Variants in EPG5 observed in about 807,000 individuals in gnomAD.
EPG5 encodes ectopic P-granules 5 autophagy tethering factor.
In EPG5, 159 loss-of-function variants were observed where a neutral mutation model predicts 302.7. The ratio of observed to expected loss-of-function variants is 0.53; its 90% CI spans 0.46 to 0.60. EPG5 has a LOEUF of 0.60. Among genes scored for constraint, EPG5 ranks in the 20% least tolerant of loss-of-function variants. The probability of loss-of-function intolerance (pLI) is 0.00; values close to 1 mark genes in which losing one functional copy is unlikely to be tolerated. For missense variants in EPG5, 2,896 were observed against 3,092.4 expected (o/e 0.94, Z 1.51); for synonymous variants, 1,158 against 1,136.8 (o/e 1.02, Z -0.37).
the EPG5 span, among the ~76,000 whole-genome samples, chr18:45,835,893 T>A: frequency 6.6e-6 from 1 of 152,124 alleles, no homozygotes; most frequent in African/African-American, 2.4e-5. Flanking sequence ...GGAAAGGGAC[T>A]GGGATTTTTC....
chr18:45,966,403 T>C (rs1008592090), intron 1 of EPG5, among the ~76,000 whole-genome samples: 6 of 151,194 alleles, frequency 4.0e-5, no homozygotes, highest in East Asian at 1.9e-4. Context: ...TACATATACA[T>C]ATATATACAC....
At chr18:45,820,129 A>G in the EPG5 span, among the ~76,000 whole-genome samples, 115,126 of 152,014 alleles carry the variant, frequency 0.76, 44,828 homozygotes, top group African/African-American at 0.93. Context: ...GGGAAAAAAC[A>G]GCATGGGAAG....
the EPG5 span, among the ~76,000 whole-genome samples, chr18:45,813,996 G>A: frequency 6.6e-6 from 1 of 151,830 alleles, no homozygotes; most frequent in Non-Finnish European, 1.5e-5. Flanking sequence ...TAAAACTAGG[G>A]AGTAAAAATT....
chr18:45,813,820 G>A, the EPG5 span, among the ~76,000 whole-genome samples: 48 of 151,938 alleles, frequency 3.2e-4, no homozygotes, highest in African/African-American at 1.2e-3. Context: ...TATAAATGAC[G>A]AGTTAATGGG....
intron 11 of EPG5, among the ~76,000 whole-genome samples, chr18:45,931,872 C>CATAT (rs367753541): frequency 6.7e-6 from 1 of 149,102 alleles, no homozygotes; most frequent in East Asian, 1.9e-4. Flanking sequence ...TAAATATATA[C>CATAT]ATATATATAT....
intron 40 of EPG5, among the ~76,000 whole-genome samples, chr18:45,859,016 G>A (rs142236431): frequency 4.6e-5 from 7 of 152,298 alleles, no homozygotes; most frequent in African/African-American, 9.6e-5. Context: ...TGTCCCCAGC[G>A]TAGCCACCAG....
At chr18:45,808,939 A>G in the EPG5 span, among the ~76,000 whole-genome samples, 2 of 152,240 alleles carry the variant, frequency 1.3e-5, no homozygotes, top group Non-Finnish European at 2.9e-5. Context: ...TAAAAGACAC[A>G]GAATTGCAGA....
intron 27 of EPG5, among the ~76,000 whole-genome samples, chr18:45,892,028 A>G (rs1057204238): frequency 6.6e-6 from 1 of 152,308 alleles, no homozygotes; most frequent in South Asian, 2.1e-4. Context: ...AGAATCTGAG[A>G]TAAGGAAGGA....
At chr18:45,911,308 C>T (rs2049893625) in intron 22 of EPG5, among the ~76,000 whole-genome samples, 1 of 145,500 alleles carries the variant, frequency 6.9e-6, no homozygotes, top group Non-Finnish European at 1.5e-5. Flanking sequence ...TTTTTTTAGA[C>T]AGACTCTTGC....
chr18:45,890,393 A>T (rs1024657042), intron 27 of EPG5, among the ~76,000 whole-genome samples: 8 of 152,338 alleles, frequency 5.3e-5, no homozygotes, highest in East Asian at 1.9e-4. Context: ...AAATATATAT[A>T]ATCATAAAAC....
At position 45,915,392 on chromosome 18, in the gene EPG5, T is replaced by C. The variant is rs532139960; in HGVS notation, c.3693+119A>G. 152 of 717,858 alleles carry C rather than the reference T, an allele frequency of 2.1e-4. No homozygotes were observed. The East Asian group carries it at 3.9e-3, about 19-fold the overall frequency. 44.5% of individuals were successfully genotyped at this position (717,858 alleles called of 1,614,324 possible). On this transcript the variant is annotated intron_variant, in intron 20 of 43. Transcript: ENST00000282041. Reference sequence around the variant, plus strand: ...TAAAGATTAAATGAAAAAGTATACTTACACTAGAATAAGTGCTAAATAAAA... The same window carrying C: ...TAAAGATTAAATGAAAAAGTATACTCACACTAGAATAAGTGCTAAATAAAA...
At chr18:45,830,075 G>A in the EPG5 span, among the ~76,000 whole-genome samples, 1 of 152,010 alleles carries the variant, frequency 6.6e-6, no homozygotes, top group Non-Finnish European at 1.5e-5. Flanking sequence ...CCATGAAACC[G>A]ACAAGCAGCT....
At chr18:45,956,810 G>T (rs1240171504) in intron 1 of EPG5, among the ~76,000 whole-genome samples, 2 of 151,994 alleles carry the variant, frequency 1.3e-5, no homozygotes, top group Non-Finnish European at 2.9e-5. Context: ...AGGATGAAGG[G>T]TGAAGAGTAC....
chr18:45,899,847 C>G (rs980766369), intron 26 of EPG5, among the ~76,000 whole-genome samples: 1 of 152,172 alleles, frequency 6.6e-6, no homozygotes, highest in African/African-American at 2.4e-5. Flanking sequence ...TACCAACAGA[C>G]CCTACAAGAA....
chr18:45,944,585 T>A (rs906810487), intron 7 of EPG5, among the ~76,000 whole-genome samples: 2 of 152,094 alleles, frequency 1.3e-5, no homozygotes, highest in East Asian at 1.9e-4. Context: ...TGAAACCCCA[T>A]CTCTACTAAA....
the EPG5 span, chr18:45,837,945 C>T: frequency 3.5e-4 from 501 of 1,428,332 alleles, no homozygotes; most frequent in Middle Eastern, 2.8e-3. Context: ...CGCCCTCCCG[C>T]CTGCCCCGCC....
the EPG5 span, among the ~76,000 whole-genome samples, chr18:45,828,247 G>C: frequency 1.3e-4 from 20 of 152,250 alleles, no homozygotes; most frequent in Middle Eastern, 6.8e-3. Flanking sequence ...ACAGCCCCTT[G>C]GTGAGAGAAA....
At chr18:45,906,890 A>G (rs1339511497) in intron 24 of EPG5, among the ~76,000 whole-genome samples, 1 of 152,208 alleles carries the variant, frequency 6.6e-6, no homozygotes, top group African/African-American at 2.4e-5. Context: ...TCCTGGCCTC[A>G]GGTGATCTAC....
intron 26 of EPG5, among the ~76,000 whole-genome samples, chr18:45,900,142 C>T (rs2049576390): frequency 6.6e-6 from 1 of 152,156 alleles, no homozygotes; most frequent in Non-Finnish European, 1.5e-5. Flanking sequence ...GTGGCTCACG[C>T]CTGTAATCCC....
Sources: allele counts gnomAD v4.1 joint callset (sites outside exome capture counted in the v4.1 genomes callset), GRCh38; gene constraint gnomAD v4.1.1; transcripts MANE v1.5; gene names NCBI Gene and HGNC (gene_info 2026-07-23, HGNC 2026-07-21).